The following MLXIP variants were observed in gnomAD, a reference collection of about 807,000 sequenced individuals.
MLXIP encodes the protein MLX-interacting protein.
In MLXIP, 30 loss-of-function variants were observed where a neutral mutation model predicts 87.2. The observed-to-expected ratio is 0.34, with a 90% CI of 0.26 to 0.47. MLXIP has a LOEUF of 0.47. Among genes scored for constraint, MLXIP ranks in the 20% least tolerant of loss-of-function variants. MLXIP has a pLI of 1.00. For synonymous variants in MLXIP, 530 were observed against 514.0 expected (o/e 1.03, Z -0.42); for missense variants, 1,002 against 1,240.1 (o/e 0.81, Z 2.88).
intron 9 of MLXIP, chr12:122,134,818 G>T: frequency 3.9e-6 from 1 of 255,810 alleles, no homozygotes; most frequent in South Asian, 4.0e-5. Flanking sequence ...GAGATTACAG[G>T]CATGTGCCAC....
chr12:122,089,436 C>G (rs1952214895), intron 1 of MLXIP, among the ~76,000 whole-genome samples: 1 of 152,182 alleles, frequency 6.6e-6, no homozygotes, highest in African/African-American at 2.4e-5. Flanking sequence ...CAACTGTTTT[C>G]TAGTTGAGTA....
At position 122,137,564 on chromosome 12, in the gene MLXIP, G is replaced by C; in HGVS notation, c.2128G>C (p.Asp710His). ...SPQNNCSGKS[D>H]PKNVAALKNR... ...CCAGAACAACTGCTCAGGGAAATCC[G>C]ACCCCAAAAATGTGGCTGCACTAAA... The change falls in exon 12 of 17, where the codon GAC (aspartate) becomes CAC (histidine). Residue 710 changes from aspartate to histidine, a missense_variant. Around this residue, in one of 3 missense-constraint regions of MLXIP, gnomAD observed 746 missense variants for 897.0 expected, o/e 0.83. Transcript: ENST00000319080. The surrounding 1 kb of genome is among the most constrained non-coding windows in gnomAD (Gnocchi z 4.1). 1 of 1,613,968 alleles carries C rather than the reference G, an allele frequency of 6.2e-7. No homozygotes were observed. The highest frequency in any genetic ancestry group is 8.5e-7 in the Non-Finnish European group (1 of 1,179,856).
chr12:122,128,420 G>C, intron 3 of MLXIP: 1 of 161,568 alleles, frequency 6.2e-6, no homozygotes, highest in Non-Finnish European at 1.4e-5. Context: ...GATAAAGGGG[G>C]AATTTAGAAG....
chr12:122,120,029 A>G (rs939358346), intron 1 of MLXIP, among the ~76,000 whole-genome samples: 2 of 152,244 alleles, frequency 1.3e-5, no homozygotes, highest in Non-Finnish European at 2.9e-5. Context: ...TAGCAGCGCT[A>G]TTCGCTGTAG....
intron 1 of MLXIP, among the ~76,000 whole-genome samples, chr12:122,083,132 T>G (rs909468806): frequency 2.6e-4 from 39 of 152,194 alleles, no homozygotes; most frequent in African/African-American, 8.0e-4. Flanking sequence ...CACCTACAGA[T>G]TCTGAACACT....
chr12:122,129,638 G>GC lies in MLXIP; in HGVS notation c.738+11dup, dbSNP rs768885114. The stretch of plus-strand genomic sequence containing the variant: ...TCTCCAGCCTGGTCCAGGTGGGTGA[G>GC]CCTGGGAGCTCTGAGGACCCCCACT... On this transcript the variant is annotated intron_variant, in intron 5 of 16. Transcript: ENST00000319080. 1.1e-5 allele frequency: 18 copies of GC among 1,600,278 alleles called. No homozygotes were observed. In the African/African-American group the frequency reaches 2.6e-4, roughly 23 times the overall value.
intron 15 of MLXIP, 152 bp downstream of exon 15, chr12:122,139,090 A>G (rs748183401): frequency 3.1e-6 from 4 of 1,279,052 alleles, no homozygotes; most frequent in Non-Finnish European, 3.2e-6. Flanking sequence ...CTCGGGAGAG[A>G]GTGGTCCGGC....
chr12:122,135,789 G>A lies in MLXIP; in HGVS notation c.2032+123G>A. 1 of 1,169,924 alleles carries A rather than the reference G, an allele frequency of 8.5e-7. No individual in the cohort carries two copies. The highest frequency in any genetic ancestry group is 1.2e-6 in the Non-Finnish European group (1 of 866,260). The allele number at this position is 1,169,924 out of a possible 1,614,324, so 72.5% of individuals were successfully genotyped here. ...GCCTGGGCTTAGGACACACAGTGAG[G>A]TCTTGTAGGCCTGCTGATAACACAG... On this transcript the variant is annotated intron_variant, in intron 11 of 16. Transcript: ENST00000319080. The surrounding 1 kb of genome is among the most constrained non-coding windows in gnomAD (Gnocchi z 5.3).
intron 1 of MLXIP, among the ~76,000 whole-genome samples, chr12:122,126,552 C>G (rs7485421): frequency 1.3e-5 from 2 of 151,450 alleles, no homozygotes; most frequent in Admixed American, 6.6e-5. Flanking sequence ...GCCCTGCAGG[C>G]ACTCAGGCCA....
Position 122,108,467 on chromosome 12 carries a change from A to G in MLXIP, c.414-18789A>G, listed in dbSNP as rs188259112. Among the ~76,000 whole-genome samples the G allele has an allele frequency of 2.0e-5, 3 of 152,168 alleles. No homozygotes were observed. The East Asian group carries it at 5.8e-4, about 29-fold the overall frequency. ...TATTATCATTCTTCCTTATGTCAGG[A>G]AAGGGTAGCAGGCCCTTGTACATAA... On this transcript the variant is annotated intron_variant, in intron 1 of 16. Transcript: ENST00000319080.
intron 1 of MLXIP, among the ~76,000 whole-genome samples, chr12:122,095,673 A>G (rs1952340574): frequency 6.6e-6 from 1 of 151,154 alleles, no homozygotes; most frequent in Non-Finnish European, 1.5e-5. Flanking sequence ...AATTAAAGTT[A>G]ACCTTTTCTT....
chr12:122,133,815 T>G lies in MLXIP; in HGVS notation c.1560T>G (p.Pro520=). 3 of 1,613,064 alleles carry G rather than the reference T, an allele frequency of 1.9e-6. No individual in the cohort carries two copies. The highest frequency in any genetic ancestry group is 2.5e-6 in the Non-Finnish European group (3 of 1,179,614). The stretch of plus-strand genomic sequence containing the variant: ...ATCACCCTGCCCCGTCAGCGGCCCC[T>G]TGTGGGCTGGCACTGTCTCCTGTCA... ...TTHHPAPSAA[P]CGLALSPVTR... is the part of the protein sequence containing the mutation. Residue 520 remains proline, a synonymous_variant, in exon 9 of 17, where the codon CCT becomes CCG. Coordinates refer to ENST00000319080, the MANE Select transcript of MLXIP (RefSeq NM_014938.6). The surrounding 1 kb of genome is among the most constrained non-coding windows in gnomAD (Gnocchi z 4.9).
Position 122,127,901 on chromosome 12 carries a change from A to C in MLXIP, c.539A>C (p.Asn180Thr). 2 of 1,613,838 alleles carry C rather than the reference A, an allele frequency of 1.2e-6. No homozygotes were observed. Among genetic ancestry groups the C allele is most frequent in the Non-Finnish European group, 8.5e-7 (1 of 1,179,770 alleles). Residue 180 changes from asparagine to threonine, a missense_variant, in exon 3 of 17, where the codon AAT becomes ACT. By Grantham distance (65) the Asn-to-Thr change is moderately conservative. Around this residue, in one of 3 missense-constraint regions of MLXIP, gnomAD observed 127 missense variants for 239.0 expected, o/e 0.53. Coordinates refer to ENST00000319080, the MANE Select transcript of MLXIP (RefSeq NM_014938.6). Reference sequence around the variant, plus strand: ...TGCTCAGATCTGGAGAAGCGCAAGAATCCTGTGTGCCACTTTGTGACACCC... The same window carrying C: ...TGCTCAGATCTGGAGAAGCGCAAGACTCCTGTGTGCCACTTTGTGACACCC... Reference protein sequence around the residue: ...WYMQYLEKRKNPVCHFVTPLD... With the variant: ...WYMQYLEKRKTPVCHFVTPLD...
chr12:122,141,497 G>C (rs1232904158), intron 16 of MLXIP, 194 bp from the exon 17 acceptor site: 2 of 443,354 alleles, frequency 4.5e-6, no homozygotes, highest in African/African-American at 4.3e-5. Context: ...CCTGGATTTG[G>C]GGAGGCTTCT....
At position 122,137,745 on chromosome 12, in the gene MLXIP, C is replaced by T. The variant is rs562403540; in HGVS notation, c.2154+155C>T. The stretch of plus-strand genomic sequence containing the variant: ...ATGGGCTTCTCCTTGCCCCATGCCA[C>T]GAACCAGCCCTGTGGGGATGGTGGG... On this transcript the variant is annotated intron_variant, in intron 12 of 16. Transcript: ENST00000319080. This position sits in a 1 kb window ranked among gnomAD's most constrained non-coding sequence, Gnocchi z 4.1. 12 of 732,640 alleles carry T rather than the reference C, an allele frequency of 1.6e-5. No individual in the cohort carries two copies. The highest frequency in any genetic ancestry group is 1.5e-4 in the African/African-American group (8 of 52,236). 45.4% of individuals were successfully genotyped at this position (732,640 alleles called of 1,614,324 possible). A position where few individuals can be genotyped will look rare whatever the true frequency, so the allele number is the denominator to read the frequency against.
At chr12:122,131,946 C>T (rs1331769238) in intron 7 of MLXIP, among the ~76,000 whole-genome samples, 25 of 96,722 alleles carry the variant, frequency 2.6e-4, no homozygotes, top group Admixed American at 1.5e-3. Flanking sequence ...TTTTTTGAGA[C>T]GGGAATCTCG....
intron 1 of MLXIP, among the ~76,000 whole-genome samples, chr12:122,102,468 C>T (rs1431386065): frequency 1.3e-5 from 2 of 152,126 alleles, no homozygotes; most frequent in Non-Finnish European, 2.9e-5. Flanking sequence ...TGGGAATGTA[C>T]AATGGTGCAG....
intron 15 of MLXIP, among the ~76,000 whole-genome samples, chr12:122,140,298 T>C (rs1953174566): frequency 6.6e-6 from 1 of 152,102 alleles, no homozygotes; most frequent in Admixed American, 6.6e-5. Context: ...CCTTTATTTA[T>C]TTATTTATTT....
chr12:122,090,234 G>A (rs1398863349), intron 1 of MLXIP, among the ~76,000 whole-genome samples: 4 of 152,264 alleles, frequency 2.6e-5, no homozygotes, highest in South Asian at 4.1e-4. Context: ...GGTGACTCAC[G>A]CCTGTAATCC....
Sources: allele counts gnomAD v4.1 joint callset (sites outside exome capture counted in the v4.1 genomes callset), GRCh38; gene constraint gnomAD v4.1.1; regional missense constraint gnomAD v4.1.1; non-coding constraint Gnocchi (gnomAD v3.1); transcripts MANE v1.5; gene names NCBI Gene and HGNC (gene_info 2026-07-23, HGNC 2026-07-21).